Variants in SEC63 observed in about 807,000 individuals in gnomAD.
SEC63 encodes SEC63 protein translocation regulator, also known as translocation protein SEC63 homolog.
Under a neutral mutation model 116.2 loss-of-function variants are expected in SEC63, and 56 were observed. That is an observed-to-expected ratio of 0.48 (90% CI 0.39 to 0.60). The LOEUF (loss-of-function observed/expected upper bound fraction) is 0.60, where lower values mean the gene tolerates loss of function less well. SEC63 is among the 20% of genes least tolerant of loss of function. The pLI is 0.00. For missense variants in SEC63, 668 were observed against 900.0 expected (o/e 0.74, Z 3.30); for synonymous variants, 273 against 294.6 (o/e 0.93, Z 0.75).
Position 107,912,592 on chromosome 6 carries a change from T to C in SEC63, c.573+124A>G, listed in dbSNP as rs1787307108. 4 of 706,680 alleles carry C rather than the reference T, an allele frequency of 5.7e-6. No homozygotes were observed. In the South Asian group the frequency reaches 6.2e-5, roughly 11 times the overall value. 43.8% of individuals were successfully genotyped at this position (706,680 alleles called of 1,614,324 possible). On this transcript the variant is annotated intron_variant, in intron 6 of 20. Coordinates refer to ENST00000369002, the MANE Select transcript of SEC63 (RefSeq NM_007214.5). The stretch of plus-strand genomic sequence containing the variant: ...AGAGCAAGACTCTGTCTCAAATGAA[T>C]GAATGAATGAATGGCACACCAGTAT...
intron 1 of SEC63, among the ~76,000 whole-genome samples, chr6:107,941,732 C>T (rs1770380048): frequency 6.6e-6 from 1 of 152,256 alleles, no homozygotes. Context: ...CAGCAACTGA[C>T]TTCCCAAGGA....
chr6:107,910,523 C>T (rs950970881), intron 7 of SEC63, among the ~76,000 whole-genome samples: 2 of 144,874 alleles, frequency 1.4e-5, no homozygotes, highest in Non-Finnish European at 3.2e-5. Flanking sequence ...CATATATATA[C>T]ATATATGCAT....
chr6:107,922,049 CTATA>C (rs990274814), intron 3 of SEC63, 140 bp from the exon 4 acceptor site: 12 of 610,588 alleles, frequency 2.0e-5, no homozygotes, highest in Middle Eastern at 7.1e-4. Context: ...ATTTTTCATC[CTATA>C]TATTTTTCCC....
chr6:107,945,649 A>C (rs997913662), intron 1 of SEC63, among the ~76,000 whole-genome samples: 10 of 152,120 alleles, frequency 6.6e-5, no homozygotes, highest in African/African-American at 2.4e-4. Context: ...TTTCAAAGAA[A>C]CAATGTGATG....
chr6:107,875,488 G>A (rs1031175431), intron 19 of SEC63, among the ~76,000 whole-genome samples: 1 of 152,128 alleles, frequency 6.6e-6, no homozygotes, highest in African/African-American at 2.4e-5. Flanking sequence ...CTTGAGCTCA[G>A]GAGTTTGAGA....
At chr6:107,895,650 C>G (rs985422238) in intron 14 of SEC63, among the ~76,000 whole-genome samples, 4 of 152,024 alleles carry the variant, frequency 2.6e-5, no homozygotes, top group Admixed American at 2.6e-4. Context: ...GAGAAAGAAG[C>G]TAAAATCTAC....
intron 16 of SEC63, among the ~76,000 whole-genome samples, chr6:107,886,089 A>G (rs902241900): frequency 2.0e-4 from 31 of 152,046 alleles, no homozygotes; most frequent in African/African-American, 7.5e-4. Context: ...ACTCCCACTT[A>G]TGAGTGAGAA....
At chr6:107,916,268 G>T (rs1787397478) in intron 4 of SEC63, among the ~76,000 whole-genome samples, 2 of 152,228 alleles carry the variant, frequency 1.3e-5, no homozygotes, top group African/African-American at 4.8e-5. Flanking sequence ...GTAAATGCTT[G>T]AAGGAGACAC....
chr6:107,909,333 T>C (rs186052359), intron 7 of SEC63, among the ~76,000 whole-genome samples: 2 of 149,094 alleles, frequency 1.3e-5, no homozygotes, highest in Admixed American at 6.7e-5. Flanking sequence ...GCCATGATCA[T>C]ACTACTGCAC....
At chr6:107,892,605 C>T (rs990459255) in intron 16 of SEC63, among the ~76,000 whole-genome samples, 2 of 152,052 alleles carry the variant, frequency 1.3e-5, no homozygotes, top group African/African-American at 2.4e-5. Flanking sequence ...ACATTAGAAG[C>T]TACCAATAAG....
At chr6:107,952,450 AACCTCAATAAAG>A (rs1309869732) in intron 1 of SEC63, among the ~76,000 whole-genome samples, 2 of 152,150 alleles carry the variant, frequency 1.3e-5, no homozygotes, top group Non-Finnish European at 2.9e-5. Context: ...CACAAAAAAA[AACCTCAATAAAG>A]ATTAGTTAAA....
At chr6:107,872,329 C>T (rs972817515) in intron 20 of SEC63, among the ~76,000 whole-genome samples, 7 of 152,146 alleles carry the variant, frequency 4.6e-5, no homozygotes, top group African/African-American at 1.7e-4. Context: ...TGCAATAATA[C>T]TTTTAGCACC....
chr6:107,948,568 G>A (rs1583779985), intron 1 of SEC63, among the ~76,000 whole-genome samples: 2 of 152,254 alleles, frequency 1.3e-5, no homozygotes, highest in East Asian at 1.9e-4. Context: ...GGTAAATTAC[G>A]AAGGCTGTTG....
intron 14 of SEC63, among the ~76,000 whole-genome samples, chr6:107,895,933 G>C (rs1423850873): frequency 6.6e-6 from 1 of 151,870 alleles, no homozygotes; most frequent in East Asian, 1.9e-4. Flanking sequence ...GGGAGGCTGA[G>C]GGGTACATAT....
chr6:107,944,509 C>A (rs1196252882), intron 1 of SEC63, among the ~76,000 whole-genome samples: 1 of 151,964 alleles, frequency 6.6e-6, no homozygotes, highest in East Asian at 1.9e-4. Flanking sequence ...ACTAGCCTGG[C>A]CAACATGGTG....
chr6:107,918,983 C>T (rs766416905), intron 4 of SEC63, among the ~76,000 whole-genome samples: 2 of 150,118 alleles, frequency 1.3e-5, no homozygotes, highest in Non-Finnish European at 3.0e-5. Flanking sequence ...CAATCTTGGC[C>T]CACCCCAACC....
chr6:107,873,043 T>C, intron 19 of SEC63, 131 bp from the exon 20 acceptor site: 1 of 682,754 alleles, frequency 1.5e-6, no homozygotes, highest in South Asian at 1.6e-5. Flanking sequence ...CTAATAAATG[T>C]TACTAAAGTC....
At chr6:107,957,735 C>T in intron 1 of SEC63, 151 bp downstream of exon 1, 1 of 737,706 alleles carries the variant, frequency 1.4e-6, no homozygotes, top group Non-Finnish European at 1.9e-6. Flanking sequence ...GACCCGGGCC[C>T]CGCCAGTGGC....
intron 1 of SEC63, among the ~76,000 whole-genome samples, chr6:107,953,795 G>A (rs1292261274): frequency 1.6e-5 from 2 of 123,944 alleles, no homozygotes; most frequent in Non-Finnish European, 3.6e-5. Context: ...GAGGGAGGTG[G>A]GGGTGTGAGC....
Sources: gnomAD v4.1 joint callset for allele counts (sites outside exome capture counted in the v4.1 genomes callset) on GRCh38, gnomAD v4.1.1 for gene constraint, MANE v1.5 for transcripts, NCBI Gene and HGNC (gene_info 2026-07-23, HGNC 2026-07-21) for gene names.